Variants in CD46 observed in about 807,000 individuals in gnomAD.
CD46 encodes the protein membrane cofactor protein.
In CD46, 30 loss-of-function variants were observed where a neutral mutation model predicts 53.3. The observed-to-expected ratio is 0.56, with a 90% CI of 0.42 to 0.76. The LOEUF (loss-of-function observed/expected upper bound fraction) is 0.76, where lower values mean the gene tolerates loss of function less well. CD46 is among the 30% of genes least tolerant of loss of function. CD46 has a pLI of 0.00. For synonymous variants in CD46, 142 were observed against 152.0 expected (o/e 0.93, Z 0.48); for missense variants, 409 against 463.0 (o/e 0.88, Z 1.07).
chr1:207,784,771 C>A (rs966173568), intron 9 of CD46, among the ~76,000 whole-genome samples: 3 of 152,164 alleles, frequency 2.0e-5, no homozygotes, highest in Admixed American at 6.5e-5. Context: ...CATTCTTCTT[C>A]ACATGATGGC....
At chr1:207,788,025 C>T (rs1254360314) in intron 11 of CD46, among the ~76,000 whole-genome samples, 3 of 152,140 alleles carry the variant, frequency 2.0e-5, no homozygotes, top group Non-Finnish European at 2.9e-5. Flanking sequence ...CTGGGCTACA[C>T]TGACCAGGGT....
At chr1:207,768,831 C>T (rs369406434) in intron 7 of CD46, 1 of 152,204 alleles carries the variant, frequency 6.6e-6, no homozygotes, top group Non-Finnish European at 1.5e-5. Flanking sequence ...CTGTGGTCTT[C>T]AGTTTCCCTT....
At chr1:207,788,224 C>A (rs1305951670) in intron 11 of CD46, among the ~76,000 whole-genome samples, 1 of 151,914 alleles carries the variant, frequency 6.6e-6, no homozygotes, top group Non-Finnish European at 1.5e-5. Flanking sequence ...TCTTAAAAAA[C>A]AAAGATTTCC....
At chr1:207,778,636 T>C (rs1277176756) in intron 8 of CD46, among the ~76,000 whole-genome samples, 1 of 152,214 alleles carries the variant, frequency 6.6e-6, no homozygotes, top group Non-Finnish European at 1.5e-5. Context: ...TTCTGTTCCA[T>C]TGGTGTATAT....
intron 1 of CD46, among the ~76,000 whole-genome samples, chr1:207,755,728 C>T (rs1438928091): frequency 6.6e-6 from 1 of 152,188 alleles, no homozygotes; most frequent in African/African-American, 2.4e-5. Flanking sequence ...GAGAGCAGTC[C>T]ATATCTGGTC....
chr1:207,768,667 T>C (rs1657121418), intron 7 of CD46: 1 of 152,236 alleles, frequency 6.6e-6, no homozygotes, highest in South Asian at 2.1e-4. Context: ...ACTGTGCTTA[T>C]GACTGGAGAG....
In CD46 at chr1:207,776,833, G is replaced by A. The variant is rs115994704; in HGVS notation, c.944-6459G>A. On this transcript the variant is annotated intron_variant, in intron 8 of 12. Transcript: ENST00000367042. Reference sequence around the variant, plus strand: ...GAATTTTTTGTAGAGACAGGGTTTTGCCATGTTGGCAAGTCTTTTCTCCAA... The same window carrying A: ...GAATTTTTTGTAGAGACAGGGTTTTACCATGTTGGCAAGTCTTTTCTCCAA... 6.3e-3 allele frequency among the ~76,000 whole-genome samples: 962 copies of A among 152,204 alleles called. 11 individuals are homozygous for A. The highest frequency in any genetic ancestry group is 0.022 in the African/African-American group (922 of 41,544).
chr1:207,791,896 G>T (rs1358615987), intron 12 of CD46, among the ~76,000 whole-genome samples: 2 of 152,098 alleles, frequency 1.3e-5, no homozygotes, highest in African/African-American at 4.8e-5. Flanking sequence ...TTATGTTAAT[G>T]CCTTTTATCT....
chr1:207,785,956 G>C, intron 11 of CD46: 2 of 368,996 alleles, frequency 5.4e-6, no homozygotes, highest in South Asian at 5.2e-5. Context: ...AAGTTATTTA[G>C]CAAATCATGG....
At chr1:207,762,076 A>G (rs1203098367) in intron 5 of CD46, among the ~76,000 whole-genome samples, 1 of 152,230 alleles carries the variant, frequency 6.6e-6, no homozygotes, top group Non-Finnish European at 1.5e-5. Flanking sequence ...ATCATTCAAC[A>G]TGCATTATCA....
chr1:207,772,852 T>TA (rs1244642719), intron 8 of CD46, among the ~76,000 whole-genome samples: 3 of 152,232 alleles, frequency 2.0e-5, no homozygotes, highest in Non-Finnish European at 4.4e-5. Flanking sequence ...GATATTGGCC[T>TA]AAAATTATCT....
chr1:207,755,773 A>G (rs903209785), intron 1 of CD46, among the ~76,000 whole-genome samples: 2 of 152,260 alleles, frequency 1.3e-5, no homozygotes, highest in African/African-American at 4.8e-5. Context: ...GGAGATAGGC[A>G]GCACAAGAAA....
chr1:207,766,319 C>A (rs1181744896), intron 5 of CD46, among the ~76,000 whole-genome samples: 1 of 152,058 alleles, frequency 6.6e-6, no homozygotes, highest in Non-Finnish European at 1.5e-5. Context: ...AATAAACCAA[C>A]CTTTACAAAT....
At chr1:207,767,280 A>G in intron 6 of CD46, 85 bp downstream of exon 6, 1 of 1,166,744 alleles carries the variant, frequency 8.6e-7, no homozygotes, top group Non-Finnish European at 1.3e-6. Flanking sequence ...ATTAACTATC[A>G]GTCATACAAA....
At chr1:207,767,372 A>G in intron 6 of CD46, 177 bp downstream of exon 6, 1 of 733,720 alleles carries the variant, frequency 1.4e-6, no homozygotes, top group Non-Finnish European at 2.3e-6. Context: ...AAATTCACAT[A>G]AAATTCTGCT....
intron 8 of CD46, among the ~76,000 whole-genome samples, chr1:207,776,243 G>T (rs1194152488): frequency 1.3e-5 from 2 of 152,228 alleles, no homozygotes; most frequent in African/African-American, 4.8e-5. Context: ...GCAGTATTTG[G>T]TCAGGAGTGT....
chr1:207,753,137 TC>T (rs1655114450), intron 1 of CD46, among the ~76,000 whole-genome samples: 1 of 152,228 alleles, frequency 6.6e-6, no homozygotes, highest in South Asian at 2.1e-4. Context: ...AGTATCTGAT[TC>T]CATTGCCTAA....
rs999255431 is a variant in CD46 at position 207,795,366 on chromosome 1, G to A, written c.*1889G>A. ...GGAAGTTTGTTTAAATGACAGAAGC[G>A]TATATGAATTCAAGAAAATTTAAGC... On this transcript the variant is annotated 3_prime_UTR_variant, in exon 13 of 13. Transcript: ENST00000367042. The A allele has an allele frequency of 1.2e-4, 19 of 152,234 alleles. No individual in the cohort carries two copies. Among genetic ancestry groups the A allele is most frequent in the African/African-American group, 3.1e-4 (13 of 41,542 alleles). 9.4% of individuals were successfully genotyped at this position (152,234 alleles called of 1,614,324 possible).
chr1:207,760,294 T>G (rs187066452), intron 4 of CD46: 4 of 152,920 alleles, frequency 2.6e-5, no homozygotes, highest in African/African-American at 7.2e-5. Flanking sequence ...ATTGTTCACA[T>G]TTTTTGCATA....
Sources: allele counts gnomAD v4.1 joint callset (sites outside exome capture counted in the v4.1 genomes callset), GRCh38; gene constraint gnomAD v4.1.1; transcripts MANE v1.5; gene names NCBI Gene and HGNC (gene_info 2026-07-23, HGNC 2026-07-21).